The following SHANK2 variants were observed in gnomAD, a reference collection of about 807,000 sequenced individuals.
SHANK2 encodes the protein SH3 and multiple ankyrin repeat domains protein 2.
Under a neutral mutation model 133.7 loss-of-function variants are expected in SHANK2, and 43 were observed. That is an observed-to-expected ratio of 0.32 (90% CI 0.25 to 0.41). SHANK2 has a LOEUF of 0.41. SHANK2 is among the 10% of genes least tolerant of loss of function. The pLI, the probability that SHANK2 is intolerant of heterozygous loss-of-function variation, is 1.00. For synonymous variants in SHANK2, 1,017 were observed against 952.8 expected, an observed-to-expected ratio of 1.07 and a Z score of -1.24; for missense variants, 1,994 against 2,235.8, an observed-to-expected ratio of 0.89 and a Z score of 2.18.
At chr11:70,891,733 G>A (rs1590803711) in intron 11 of SHANK2, among the ~76,000 whole-genome samples, 1 of 152,078 alleles carries the variant, frequency 6.6e-6, no homozygotes, top group Non-Finnish European at 1.5e-5. Context: ...CCATCCCCCA[G>A]GGTAGAGGGC....
At position 71,110,047 on chromosome 11, in the gene SHANK2, G is replaced by C. The variant is rs782634905; in HGVS notation, c.486C>G (p.Thr162=). The C allele has an allele frequency of 1.9e-6, 3 of 1,545,470 alleles. No individual in the cohort carries two copies. The highest frequency in any genetic ancestry group is 2.6e-6 in the Non-Finnish European group (3 of 1,141,404). ...TGTGATCCATGCATTTCTTCAGATT[G>C]GTCTAGAAGGAAAAACAATACAATT... is the stretch of plus-strand genomic sequence containing the variant. ...EKQLAKLHTK[T]NLKKCMDHIQ... Residue 162 remains threonine (T), a splice_region_variant and synonymous_variant, in exon 6 of 26, where the codon ACC becomes ACG. Coordinates refer to ENST00000601538, the MANE Select transcript of SHANK2 (RefSeq NM_012309.5).
chr11:70,485,294 T>C lies in SHANK2; in HGVS notation c.4979+20A>G. The C allele has an allele frequency of 3.1e-6, 5 of 1,604,598 alleles. No homozygotes were observed. Among genetic ancestry groups the C allele is most frequent in the Non-Finnish European group, 4.3e-6 (5 of 1,172,492 alleles). Reference sequence around the variant, plus strand: ...CAGTGCACGCAGAGCGGTGTGCATGTGCACCAACCGCGGACTTACCTTGGA... The same window carrying C: ...CAGTGCACGCAGAGCGGTGTGCATGCGCACCAACCGCGGACTTACCTTGGA... On this transcript the variant is annotated intron_variant, in intron 25 of 25. Coordinates refer to ENST00000601538, the MANE Select transcript of SHANK2 (RefSeq NM_012309.5). The surrounding 1 kb of genome is among the most constrained non-coding windows in gnomAD (Gnocchi z 5.8).
At chr11:70,727,122 T>C (rs1946194715) in intron 14 of SHANK2, among the ~76,000 whole-genome samples, 1 of 152,276 alleles carries the variant, frequency 6.6e-6, no homozygotes, top group African/African-American at 2.4e-5. Context: ...TAATACATTA[T>C]GACTCTGGGC....
At chr11:70,557,164 ATT>A in intron 17 of SHANK2, among the ~76,000 whole-genome samples, 2 of 152,056 alleles carry the variant, frequency 1.3e-5, no homozygotes, top group South Asian at 4.2e-4. Context: ...TCATTCATTC[ATT>A]CATTCATTCA....
intron 2 of SHANK2, among the ~76,000 whole-genome samples, chr11:71,187,795 T>C (rs1191926390): frequency 1.3e-5 from 2 of 152,194 alleles, no homozygotes; most frequent in Admixed American, 1.3e-4. Flanking sequence ...CCTTGGAAGT[T>C]AGAGACAGTG....
At chr11:70,525,365 GC>G (rs1173478852) in intron 17 of SHANK2, among the ~76,000 whole-genome samples, 1 of 152,208 alleles carries the variant, frequency 6.6e-6, no homozygotes, top group Non-Finnish European at 1.5e-5. Flanking sequence ...GTGGGTGGCA[GC>G]CCCTCTCCAA....
intron 15 of SHANK2, among the ~76,000 whole-genome samples, chr11:70,696,223 C>T (rs918327981): frequency 6.6e-6 from 1 of 152,190 alleles, no homozygotes; most frequent in Non-Finnish European, 1.5e-5. Flanking sequence ...TTCTGCAAGT[C>T]TTCTCTTGGC....
At position 70,905,790 on chromosome 11, in the gene SHANK2, C is replaced by A. The variant is rs564378392; in HGVS notation, c.1108-9223G>T. Among the ~76,000 whole-genome samples, 289 of 152,106 alleles carry A rather than the reference C, an allele frequency of 1.9e-3. 2 individuals carry two copies. The highest frequency in any genetic ancestry group is 6.4e-3 in the African/African-American group (265 of 41,498). ...ATCCATGCCTATTGTTTATAAGCCA[C>A]CACCCAGTTTATGTTTTTTTTTTTT... is the stretch of plus-strand genomic sequence containing the variant. On this transcript the variant is annotated intron_variant, in intron 10 of 25. Coordinates refer to ENST00000601538, the MANE Select transcript of SHANK2 (RefSeq NM_012309.5).
chr11:70,920,509 A>C (rs1370369147), intron 10 of SHANK2, among the ~76,000 whole-genome samples: 1 of 152,288 alleles, frequency 6.6e-6, no homozygotes, highest in Non-Finnish European at 1.5e-5. Flanking sequence ...AAATGCAAAT[A>C]TTCTATAGAA....
chr11:70,531,458 A>G (rs1465407876), intron 17 of SHANK2, among the ~76,000 whole-genome samples: 2 of 152,202 alleles, frequency 1.3e-5, no homozygotes, highest in Non-Finnish European at 2.9e-5. Context: ...GTCCCACACT[A>G]GACTGACTGC....
rs373891790 is a variant in SHANK2 at position 70,509,772 on chromosome 11, C to T, written c.2062-6841G>A. ...AGCCTTCGTGAATGGGATTAGTGCC[C>T]TTATAAAAGGGACCCTGGAGCAACC... On this transcript the variant is annotated intron_variant, in intron 17 of 25. Coordinates refer to ENST00000601538, the MANE Select transcript of SHANK2 (RefSeq NM_012309.5). Among the ~76,000 whole-genome samples, 71 of 152,306 alleles carry T rather than the reference C, an allele frequency of 4.7e-4. 1 individual carries two copies. In the South Asian group the frequency reaches 0.015, roughly 31 times the overall value.
chr11:70,607,936 C>T (rs2060601657), intron 17 of SHANK2, among the ~76,000 whole-genome samples: 1 of 152,214 alleles, frequency 6.6e-6, no homozygotes, highest in African/African-American at 2.4e-5. Context: ...TCCTTGCGTT[C>T]CTGTGGGGCA....
intron 17 of SHANK2, among the ~76,000 whole-genome samples, chr11:70,542,052 C>T (rs2059628831): frequency 6.6e-6 from 1 of 152,206 alleles, no homozygotes; most frequent in African/African-American, 2.4e-5. Context: ...CCAGTAGTGC[C>T]TGGGCAAATG....
chr11:70,700,790 G>A (rs1270345369), intron 14 of SHANK2, among the ~76,000 whole-genome samples: 1 of 152,244 alleles, frequency 6.6e-6, no homozygotes, highest in East Asian at 1.9e-4. Context: ...AGGAGCCCCA[G>A]GGTACTGAGC....
At chr11:70,777,799 A>T (rs1947397952) in intron 14 of SHANK2, among the ~76,000 whole-genome samples, 1 of 152,206 alleles carries the variant, frequency 6.6e-6, no homozygotes. Flanking sequence ...CCAGCTCATC[A>T]AACACATCAC....
At chr11:70,501,359 G>A (rs190326855) in intron 20 of SHANK2, among the ~76,000 whole-genome samples, 1 of 152,364 alleles carries the variant, frequency 6.6e-6, no homozygotes, top group East Asian at 1.9e-4. Flanking sequence ...AGGGAGGACG[G>A]GGCCTGTGAG....
intron 17 of SHANK2, among the ~76,000 whole-genome samples, chr11:70,620,533 C>T (rs1258222682): frequency 1.3e-5 from 2 of 151,914 alleles, no homozygotes; most frequent in African/African-American, 2.4e-5. Flanking sequence ...CCCCCACCCC[C>T]ACCATGGGCG....
intron 2 of SHANK2, among the ~76,000 whole-genome samples, chr11:71,149,768 AGATG>A (rs1198161117): frequency 1.7e-5 from 1 of 60,096 alleles, no homozygotes; most frequent in African/African-American, 1.9e-4. Context: ...GGAAGGAGGT[AGATG>A]GATGGATGGA....
chr11:70,943,936 A>T (rs1284104860), intron 10 of SHANK2: 1 of 456,512 alleles, frequency 2.2e-6, no homozygotes, highest in Non-Finnish European at 4.4e-6. Flanking sequence ...CTGTTTAAAT[A>T]TTACTTGTTG....
Sources: gnomAD v4.1 joint callset for allele counts (sites outside exome capture counted in the v4.1 genomes callset) on GRCh38, gnomAD v4.1.1 for gene constraint, Gnocchi (gnomAD v3.1) non-coding constraint, MANE v1.5 for transcripts, NCBI Gene and HGNC (gene_info 2026-07-23, HGNC 2026-07-21) for gene names.